Variants in LIPI observed in about 807,000 individuals in gnomAD.
LIPI encodes lipase I.
A neutral mutation model predicts 50.6 loss-of-function variants in LIPI; 59 were observed. The ratio of observed to expected loss-of-function variants is 1.16; its 90% CI spans 0.94 to 1.45. The LOEUF (loss-of-function observed/expected upper bound fraction) is 1.45, where lower values mean the gene tolerates loss of function less well. Among genes scored for constraint, LIPI ranks in the 40% most tolerant of loss-of-function variants. LIPI has a pLI of 0.00. For missense variants in LIPI, 586 were observed against 536.3 expected (o/e 1.09, Z -0.92); for synonymous variants, 203 against 178.2 (o/e 1.14, Z -1.11).
intron 1 of LIPI, among the ~76,000 whole-genome samples, chr21:14,197,717 AT>A (rs1357306981): frequency 1.3e-5 from 2 of 152,132 alleles, no homozygotes; most frequent in African/African-American, 4.8e-5. Flanking sequence ...ATCCAGAAAA[AT>A]TTCCCCAACC....
intron 9 of LIPI, among the ~76,000 whole-genome samples, chr21:14,128,171 G>A (rs976536221): frequency 6.6e-6 from 1 of 151,996 alleles, no homozygotes; most frequent in Admixed American, 6.6e-5. Flanking sequence ...TTAAATGCAT[G>A]TTTCAACTGT....
At chr21:14,161,708 T>A (rs1322148795) in intron 7 of LIPI, among the ~76,000 whole-genome samples, 10 of 89,464 alleles carry the variant, frequency 1.1e-4, no homozygotes, top group South Asian at 2.9e-4. Flanking sequence ...ATATACATTA[T>A]TATATATTAA....
At chr21:14,131,307 G>T (rs962198551) in intron 9 of LIPI, among the ~76,000 whole-genome samples, 2 of 151,976 alleles carry the variant, frequency 1.3e-5, no homozygotes, top group Non-Finnish European at 2.9e-5. Context: ...CTGTTCTGGG[G>T]CCTAAAAACA....
At position 14,111,943 on chromosome 21, in the gene LIPI, A is replaced by T. The variant is rs370243030; in HGVS notation, c.1296-2863T>A. ...TGAAGTTTGGGCTTCCTGTGTACCCAATCACCCGAATAGTGAATGTTGTAC... is the reference window on the plus strand; with the variant it reads ...TGAAGTTTGGGCTTCCTGTGTACCCTATCACCCGAATAGTGAATGTTGTAC... On this transcript the variant is annotated intron_variant, in intron 9 of 9. Transcript: ENST00000681601. 2.9e-4 allele frequency among the ~76,000 whole-genome samples: 44 copies of T among 152,134 alleles called. 2 individuals carry two copies. The South Asian group carries it at 8.9e-3, about 31-fold the overall frequency.
At chr21:14,140,142 C>T (rs1268170542) in intron 9 of LIPI, among the ~76,000 whole-genome samples, 1 of 151,958 alleles carries the variant, frequency 6.6e-6, no homozygotes, top group Non-Finnish European at 1.5e-5. Flanking sequence ...AAGCTAAAAG[C>T]AAGAGAACAC....
intron 7 of LIPI, among the ~76,000 whole-genome samples, chr21:14,155,920 T>C (rs1207334004): frequency 6.6e-6 from 1 of 151,938 alleles, no homozygotes; most frequent in African/African-American, 2.4e-5. Flanking sequence ...GTACATACAA[T>C]AGGTTATCTT....
chr21:14,146,772 ATTTTTTTTTTTTTTT>A (rs3048482), intron 8 of LIPI, among the ~76,000 whole-genome samples: 1 of 73,372 alleles, frequency 1.4e-5, no homozygotes, highest in Non-Finnish European at 2.4e-5. Flanking sequence ...CCCAGTCTCT[ATTTTTTTTTTTTTTT>A]TTTTTTTTTT....
intron 4 of LIPI, among the ~76,000 whole-genome samples, chr21:14,167,596 G>A (rs2018737407): frequency 6.6e-6 from 1 of 152,210 alleles, no homozygotes; most frequent in South Asian, 2.1e-4. Context: ...CTGATACCCA[G>A]GCAAACAGAG....
chr21:14,171,662 T>A lies in LIPI; in HGVS notation c.644-5211A>T, dbSNP rs2018912787. 4.0e-5 allele frequency among the ~76,000 whole-genome samples: 6 copies of A among 151,782 alleles called. No homozygotes were observed. The South Asian group carries it at 1.2e-3, about 32-fold the overall frequency. ...TGGTGCTGGGAAAACTGGCTAGCCATATGTAGAAAGCTGAAACTGGATCCC... is the reference window on the plus strand; with the variant it reads ...TGGTGCTGGGAAAACTGGCTAGCCAAATGTAGAAAGCTGAAACTGGATCCC... On this transcript the variant is annotated intron_variant, in intron 4 of 9. Transcript: ENST00000681601.
chr21:14,109,440 A>C (rs2016317670), intron 9 of LIPI, among the ~76,000 whole-genome samples: 1 of 152,142 alleles, frequency 6.6e-6, no homozygotes, highest in South Asian at 2.1e-4. Context: ...GAAGAGAGTC[A>C]GGGTGAATCA....
At chr21:14,169,463 GT>G in intron 4 of LIPI, among the ~76,000 whole-genome samples, 1 of 152,262 alleles carries the variant, frequency 6.6e-6, no homozygotes, top group African/African-American at 2.4e-5. Flanking sequence ...ATAGTTGGAA[GT>G]AAAGCTCTCC....
chr21:14,186,111 A>C (rs1400270606), intron 2 of LIPI, 42 bp from the exon 3 acceptor site: 4 of 1,082,186 alleles, frequency 3.7e-6, no homozygotes, highest in Non-Finnish European at 5.7e-6. Context: ...ATTCATTTCA[A>C]GTAATAACAA....
At chr21:14,183,714 C>G (rs1465459587) in intron 3 of LIPI, among the ~76,000 whole-genome samples, 1 of 152,134 alleles carries the variant, frequency 6.6e-6, no homozygotes, top group African/African-American at 2.4e-5. Context: ...AGCCAAAAAA[C>G]ACATGAAAAA....
intron 2 of LIPI, among the ~76,000 whole-genome samples, chr21:14,188,563 G>A (rs2019535457): frequency 4.9e-5 from 3 of 60,660 alleles, no homozygotes; most frequent in Non-Finnish European, 6.6e-5. Flanking sequence ...GTGAGAACCT[G>A]TCTCAAAAAA....
At chr21:14,158,851 T>G (rs1272513609) in intron 7 of LIPI, among the ~76,000 whole-genome samples, 2 of 150,610 alleles carry the variant, frequency 1.3e-5, no homozygotes, top group East Asian at 3.9e-4. Context: ...AAAGATAAAT[T>G]TTAAAAAACC....
intron 1 of LIPI, among the ~76,000 whole-genome samples, chr21:14,200,470 C>G (rs1156511279): frequency 6.6e-6 from 1 of 151,932 alleles, no homozygotes. Context: ...AAAGTCAAGC[C>G]TAGAGCCAAA....
intron 1 of LIPI, among the ~76,000 whole-genome samples, chr21:14,195,758 T>C (rs1270725954): frequency 6.6e-6 from 1 of 152,150 alleles, no homozygotes; most frequent in African/African-American, 2.4e-5. Flanking sequence ...GTATATGTAT[T>C]ATAATAAGAA....
chr21:14,195,711 T>C (rs1477228880), intron 1 of LIPI, among the ~76,000 whole-genome samples: 1 of 152,174 alleles, frequency 6.6e-6, no homozygotes, highest in Non-Finnish European at 1.5e-5. Flanking sequence ...ATATGCAGAC[T>C]TGTGTATCTG....
chr21:14,206,888 T>G, intron 1 of LIPI: 1 of 1,612,418 alleles, frequency 6.2e-7, no homozygotes, highest in South Asian at 1.1e-5. Flanking sequence ...CACTATATTT[T>G]TGGCACAAGT....
Sources: allele counts gnomAD v4.1 joint callset (sites outside exome capture counted in the v4.1 genomes callset), GRCh38; gene constraint gnomAD v4.1.1; transcripts MANE v1.5; gene names NCBI Gene and HGNC (gene_info 2026-07-23, HGNC 2026-07-21).